DCBLD2: variants seen among roughly 807,000 people sequenced by gnomAD.
DCBLD2 encodes the protein discoidin, CUB and LCCL domain-containing protein 2.
Under a neutral mutation model 86.8 loss-of-function variants are expected in DCBLD2, and 54 were observed. The ratio of observed to expected loss-of-function variants is 0.62; its 90% CI spans 0.50 to 0.78. The LOEUF (loss-of-function observed/expected upper bound fraction) is 0.78. Among genes scored for constraint, DCBLD2 ranks in the 30% least tolerant of loss-of-function variants. The probability of loss-of-function intolerance (pLI) is 0.00; values close to 1 mark genes in which losing one functional copy is unlikely to be tolerated. For synonymous variants in DCBLD2, 354 were observed against 341.3 expected, an observed-to-expected ratio of 1.04 and a Z score of -0.41; for missense variants, 908 against 954.2, an observed-to-expected ratio of 0.95 and a Z score of 0.64.
chr3:98,833,668 G>A (rs1942366128), intron 3 of DCBLD2, among the ~76,000 whole-genome samples: 2 of 152,196 alleles, frequency 1.3e-5, no homozygotes, highest in Admixed American at 6.5e-5. Flanking sequence ...GTGAGGAGAA[G>A]TGAGGACCAG....
At chr3:98,834,934 T>A (rs1423715766) in intron 3 of DCBLD2, among the ~76,000 whole-genome samples, 1 of 149,438 alleles carries the variant, frequency 6.7e-6, no homozygotes, top group Non-Finnish European at 1.5e-5. Context: ...TCCATCCCAA[T>A]AGGCCACCAG....
intron 1 of DCBLD2, among the ~76,000 whole-genome samples, chr3:98,892,905 A>G (rs1943687919): frequency 1.3e-5 from 2 of 152,178 alleles, no homozygotes; most frequent in Admixed American, 1.3e-4. Flanking sequence ...ATCAAAAAAC[A>G]CTGAAGCACA....
intron 1 of DCBLD2, among the ~76,000 whole-genome samples, chr3:98,887,932 G>T (rs1943590752): frequency 2.0e-5 from 3 of 151,846 alleles, no homozygotes; most frequent in Admixed American, 6.6e-5. Flanking sequence ...CACCACTATA[G>T]TATCACACAG....
chr3:98,806,073 T>G (rs1394676568), intron 13 of DCBLD2, among the ~76,000 whole-genome samples: 1 of 152,192 alleles, frequency 6.6e-6, no homozygotes, highest in African/African-American at 2.4e-5. Flanking sequence ...ACGGGGCTTA[T>G]TATAGTGCCT....
Position 98,800,611 on chromosome 3 carries a change from T to C in DCBLD2, c.1826A>G (p.Glu609Gly). 1 of 1,613,844 alleles carries C rather than the reference T, an allele frequency of 6.2e-7. No individual in the cohort carries two copies. The highest frequency in any genetic ancestry group is 8.5e-7 in the Non-Finnish European group (1 of 1,179,828). The change falls in exon 15 of 16, where the codon GAA (glutamate) becomes GGA (glycine). Residue 609 changes from glutamate to glycine, a missense_variant. Glu to Gly is a moderately conservative substitution (Grantham distance 98). Around this residue, in one of 3 missense-constraint regions of DCBLD2, gnomAD observed 606 missense variants for 678.5 expected, o/e 0.89. Coordinates refer to ENST00000326840, the MANE Select transcript of DCBLD2 (RefSeq NM_080927.4). The stretch of plus-strand genomic sequence containing the variant: ...GTCAGCCTGCAGCACTGTGGTGACT[T>C]CTCTTGGACTCAGGTGATTAACTTC... ...SSEVNHLSPR[E>G]VTTVLQADSA...
At position 98,812,482 on chromosome 3, in the gene DCBLD2, T is replaced by G; in HGVS notation, c.1213A>C (p.Ile405Leu). The change falls in exon 10 of 16, where the codon ATA becomes CTA. Residue 405 changes from isoleucine to leucine, a missense_variant and splice_region_variant. Ile to Leu is a conservative substitution (Grantham distance 5). This residue lies in a region of DCBLD2 where 606 missense variants were observed against 678.5 expected (regional missense o/e 0.89). Transcript: ENST00000326840. ...YREPGVEQDKIFQGNKDYHQD... is the reference protein window; with the variant it reads ...YREPGVEQDKLFQGNKDYHQD... The stretch of plus-strand genomic sequence containing the variant: ...TGATAATCTTTGTTTCCTTGAAATA[T>G]CTTTAAAAAAACAACAAAAAATTGG... 1 of 1,611,054 alleles carries G rather than the reference T, an allele frequency of 6.2e-7. No individual in the cohort carries two copies. Among genetic ancestry groups the G allele is most frequent in the African/African-American group, 1.3e-5 (1 of 74,872 alleles).
At chr3:98,891,588 C>T (rs899557859) in intron 1 of DCBLD2, among the ~76,000 whole-genome samples, 3 of 152,056 alleles carry the variant, frequency 2.0e-5, no homozygotes, top group Non-Finnish European at 2.9e-5. Flanking sequence ...CTGTTTTCCA[C>T]TGATGATACA....
intron 2 of DCBLD2, among the ~76,000 whole-genome samples, chr3:98,865,545 T>G (rs1943127444): frequency 6.6e-6 from 1 of 152,172 alleles, no homozygotes. Flanking sequence ...AAACACTGTA[T>G]AACAGTGTAT....
At chr3:98,880,151 A>G (rs1943440018) in intron 2 of DCBLD2, among the ~76,000 whole-genome samples, 1 of 152,208 alleles carries the variant, frequency 6.6e-6, no homozygotes, top group African/African-American at 2.4e-5. Flanking sequence ...GAGAAGCACC[A>G]AAGTTTATCA....
intron 4 of DCBLD2, 149 bp downstream of exon 4, chr3:98,825,166 G>A (rs1942192760): frequency 3.5e-6 from 2 of 572,312 alleles, no homozygotes; most frequent in Non-Finnish European, 5.5e-6. Flanking sequence ...TATGCTTTAA[G>A]TAAGCTCTAA....
At position 98,866,668 on chromosome 3, in the gene DCBLD2, C is replaced by T. The variant is rs575137297; in HGVS notation, c.433+14872G>A. On this transcript the variant is annotated intron_variant, in intron 2 of 15. Transcript: ENST00000326840. ...CCATTCTGTAGGTTGCCTGTTCACT[C>T]TGATGGTAGTTTCTTTTGCTGTGCA... Among the ~76,000 whole-genome samples the T allele has an allele frequency of 6.2e-3, 948 of 152,270 alleles. 6 individuals carry two copies. The highest frequency in any genetic ancestry group is 0.021 in the African/African-American group (873 of 41,560).
chr3:98,801,494 C>T (rs1354874530), intron 14 of DCBLD2, 106 bp downstream of exon 14: 7 of 787,180 alleles, frequency 8.9e-6, no homozygotes, highest in East Asian at 5.5e-5. Flanking sequence ...CTAACAGTGT[C>T]GGGGAGTTCA....
At chr3:98,807,120 C>A (rs1941854432) in intron 13 of DCBLD2, among the ~76,000 whole-genome samples, 1 of 152,132 alleles carries the variant, frequency 6.6e-6, no homozygotes, top group Admixed American at 6.6e-5. Flanking sequence ...AAAAGCCTTT[C>A]CTGATCCAGG....
intron 2 of DCBLD2, among the ~76,000 whole-genome samples, chr3:98,858,507 A>C (rs1257705526): frequency 1.3e-5 from 2 of 152,266 alleles, no homozygotes; most frequent in African/African-American, 4.8e-5. Flanking sequence ...AAAAATAAAT[A>C]CACAAAGCAA....
chr3:98,870,796 A>AGAAG (rs1943264456), intron 2 of DCBLD2, among the ~76,000 whole-genome samples: 2 of 150,262 alleles, frequency 1.3e-5, no homozygotes, highest in Admixed American at 6.6e-5. Context: ...AAAGAAAGAA[A>AGAAG]GAAAGAAAGA....
At chr3:98,826,026 G>A (rs1163247778) in intron 3 of DCBLD2, among the ~76,000 whole-genome samples, 2 of 137,656 alleles carry the variant, frequency 1.5e-5, no homozygotes, top group East Asian at 3.9e-4. Flanking sequence ...GCACACGGAA[G>A]CTGCAGTAGC....
At chr3:98,888,026 C>T (rs1576205153) in intron 1 of DCBLD2, among the ~76,000 whole-genome samples, 1 of 151,976 alleles carries the variant, frequency 6.6e-6, no homozygotes, top group African/African-American at 2.4e-5. Flanking sequence ...TGATCTTTTT[C>T]GGGTCTCCCT....
chr3:98,818,238 C>T (rs1393422058), intron 8 of DCBLD2, among the ~76,000 whole-genome samples: 2 of 152,104 alleles, frequency 1.3e-5, no homozygotes, highest in African/African-American at 4.8e-5. Flanking sequence ...AGTACCAAAA[C>T]AAAATAAATA....
intron 8 of DCBLD2, 90 bp from the exon 9 acceptor site, chr3:98,817,983 G>T: frequency 6.9e-7 from 1 of 1,447,362 alleles, no homozygotes; most frequent in Non-Finnish European, 9.4e-7. Flanking sequence ...GAAATGCACA[G>T]CTCGAACATT....
Sources: allele counts gnomAD v4.1 joint callset (sites outside exome capture counted in the v4.1 genomes callset), GRCh38; gene constraint gnomAD v4.1.1; regional missense constraint gnomAD v4.1.1; transcripts MANE v1.5; gene names NCBI Gene and HGNC (gene_info 2026-07-23, HGNC 2026-07-21).